Variants in DNAAF6 observed in about 807,000 individuals in gnomAD.
DNAAF6 encodes PIH1 domain containing 3.
In DNAAF6, 3 loss-of-function variants were observed where a neutral mutation model predicts 13.7. The ratio of observed to expected loss-of-function variants is 0.22; its 90% CI spans 0.10 to 0.56. DNAAF6 has a LOEUF of 0.56. Among genes scored for constraint, DNAAF6 ranks in the 20% least tolerant of loss-of-function variants. The pLI is 0.92. For synonymous variants in DNAAF6, 54 were observed against 49.2 expected (o/e 1.10, Z -0.41); for missense variants, 130 against 151.0 (o/e 0.86, Z 0.73).
intron 5 of DNAAF6, among the ~76,000 whole-genome samples, chrX:107,230,898 A>G (rs898865238): frequency 4.5e-5 from 5 of 111,586 alleles, no homozygotes; most frequent in African/African-American, 1.6e-4. Context: ...CAATATGCCA[A>G]GTTATTTCCC....
intron 5 of DNAAF6, among the ~76,000 whole-genome samples, chrX:107,223,671 T>C (rs1569373876): frequency 9.0e-6 from 1 of 111,500 alleles, no homozygotes; most frequent in African/African-American, 3.2e-5. Flanking sequence ...ATGGTGCCCA[T>C]GGGAGATGTG....
At chrX:107,241,906 T>C (rs1928631660) in intron 6 of DNAAF6, among the ~76,000 whole-genome samples, 1 of 112,173 alleles carries the variant, frequency 8.9e-6, no homozygotes, top group African/African-American at 3.2e-5. Context: ...TAGTTGTCTT[T>C]TAGTGCAACG....
At chrX:107,219,818 A>ACAGAGTC (rs1293369043) in intron 4 of DNAAF6, among the ~76,000 whole-genome samples, 2 of 104,459 alleles carry the variant, frequency 1.9e-5, no homozygotes, top group African/African-American at 7.3e-5. Context: ...TTTTTTTTAG[A>ACAGAGTC]CAGAGTCTTG....
intron 3 of DNAAF6, among the ~76,000 whole-genome samples, chrX:107,218,188 C>T (rs1343009724): frequency 8.9e-6 from 1 of 111,938 alleles, no homozygotes. Flanking sequence ...TGGGTTTTTG[C>T]ATGCCTACTG....
At chrX:107,208,982 C>CAA (rs1213774902) in intron 1 of DNAAF6, among the ~76,000 whole-genome samples, 2 of 111,777 alleles carry the variant, frequency 1.8e-5, no homozygotes, top group African/African-American at 6.5e-5. Context: ...CCCATAGTTA[C>CAA]TTATGAGTTA....
intron 5 of DNAAF6, among the ~76,000 whole-genome samples, chrX:107,233,137 GA>G (rs1928445695): frequency 8.9e-6 from 1 of 111,875 alleles, no homozygotes; most frequent in African/African-American, 3.3e-5. Flanking sequence ...TATTCTTAGA[GA>G]AATCAGGGGA....
chrX:107,226,780 G>C (rs149357010), intron 5 of DNAAF6, among the ~76,000 whole-genome samples: 1 of 111,010 alleles, frequency 9.0e-6, no homozygotes, highest in Non-Finnish European at 1.9e-5. Context: ...TTGATAAGGC[G>C]ACATTCTGAT....
chrX:107,215,397 A>G lies in DNAAF6; in HGVS notation c.154-1274A>G, dbSNP rs186675653. Among the ~76,000 whole-genome samples, 4 of 111,127 alleles carry G rather than the reference A, an allele frequency of 3.6e-5. No homozygotes were observed. The East Asian group carries it at 1.1e-3, about 31-fold the overall frequency. On this transcript the variant is annotated intron_variant, in intron 2 of 6. Transcript: ENST00000372453. ...CTTTACTCTGACTATTAGTGTTCTG[A>G]TGATTAATAATTTAAGAAAAGTACT...
chrX:107,243,451 G>A lies in DNAAF6; in HGVS notation c.*153G>A, dbSNP rs1928665066. On this transcript the variant is annotated 3_prime_UTR_variant, in exon 7 of 7. Coordinates refer to ENST00000372453, the MANE Select transcript of DNAAF6 (RefSeq NM_173494.2). The stretch of plus-strand genomic sequence containing the variant: ...TCTAGTGATATTGTGACCATTTACA[G>A]TAATTTCTATTACTCTGTTAGGAAA... 1 of 736,941 alleles carries A rather than the reference G, an allele frequency of 1.4e-6. No homozygotes were observed. Among genetic ancestry groups the A allele is most frequent in the African/African-American group, 2.2e-5 (1 of 46,029 alleles). 60.7% of individuals were successfully genotyped at this position (736,941 alleles called of 1,213,427 possible).
In DNAAF6 at chrX:107,230,396, G is replaced by T. The variant is rs138516227; in HGVS notation, c.429+7555G>T. On this transcript the variant is annotated intron_variant, in intron 5 of 6. Coordinates refer to ENST00000372453, the MANE Select transcript of DNAAF6 (RefSeq NM_173494.2). The stretch of plus-strand genomic sequence containing the variant: ...TGTAAGAGTTCCTTTTTAAAAGTAA[G>T]TCAAGGCCAGGCACAGTGGCTCACA... Among the ~76,000 whole-genome samples the T allele has an allele frequency of 7.2e-3, 808 of 111,757 alleles. 6 individuals carry two copies. Among genetic ancestry groups the T allele is most frequent in the Middle Eastern group, 0.023 (5 of 215 alleles).
At position 107,218,741 on chromosome X, in the gene DNAAF6, A is replaced by G. The variant is rs1004454548; in HGVS notation, c.227-123A>G. On this transcript the variant is annotated intron_variant, in intron 3 of 6. Coordinates refer to ENST00000372453, the MANE Select transcript of DNAAF6 (RefSeq NM_173494.2). ...ATTTAGTTTGTTTTGATCAAAAAAA[A>G]AAGCTAGCGATTACAAATAATGTTT... is the stretch of plus-strand genomic sequence containing the variant. 4 of 641,785 alleles carry G rather than the reference A, an allele frequency of 6.2e-6. No individual in the cohort carries two copies. In the African/African-American group the frequency reaches 7.2e-5, roughly 11 times the overall value. The allele number at this position is 641,785 out of a possible 1,213,427, so 52.9% of individuals were successfully genotyped here. A position where few individuals can be genotyped will look rare whatever the true frequency, so the allele number is the denominator to read the frequency against.
At chrX:107,223,818 G>A (rs1423802611) in intron 5 of DNAAF6, among the ~76,000 whole-genome samples, 1 of 111,333 alleles carries the variant, frequency 9.0e-6, no homozygotes, top group Non-Finnish European at 1.9e-5. Flanking sequence ...AGTACCTCAG[G>A]AGATTTTTCA....
intron 5 of DNAAF6, among the ~76,000 whole-genome samples, chrX:107,237,837 C>T (rs1455591282): frequency 1.8e-5 from 2 of 111,734 alleles, no homozygotes; most frequent in Non-Finnish European, 1.9e-5. Context: ...AAAAATTAGC[C>T]GGGCGTGGTG....
intron 5 of DNAAF6, among the ~76,000 whole-genome samples, chrX:107,232,833 C>A (rs936967843): frequency 9.0e-6 from 1 of 110,750 alleles, no homozygotes; most frequent in Non-Finnish European, 1.9e-5. Context: ...GCCTTGATCT[C>A]CTGGACTCAA....
At chrX:107,233,478 T>C in intron 5 of DNAAF6, among the ~76,000 whole-genome samples, 1 of 111,371 alleles carries the variant, frequency 9.0e-6, no homozygotes, top group Admixed American at 9.6e-5. Context: ...TCCTTTGACC[T>C]GCATCTCTTC....
chrX:107,238,985 C>T lies in DNAAF6; in HGVS notation c.493C>T (p.Leu165Phe), dbSNP rs766552721. Residue 165 changes from leucine to phenylalanine, a missense_variant, in exon 6 of 7, where the codon CTT (leucine) becomes TTT (phenylalanine). By Grantham distance (22) the Leu-to-Phe change is conservative (BLOSUM62 0). Transcript: ENST00000372453. ...TCAAATTGATATCCAGGAAACAATC[C>T]TTGACCTTCGTACTCCTCAGAAGTG... is the stretch of plus-strand genomic sequence containing the variant. The part of the protein sequence containing the change: ...DIQIDIQETI[L>F]DLRTPQKKLL... 3.3e-6 allele frequency: 4 copies of T among 1,208,300 alleles called. No individual in the cohort carries two copies. Among genetic ancestry groups the T allele is most frequent in the South Asian group, 3.5e-5 (2 of 56,521 alleles).
intron 5 of DNAAF6, among the ~76,000 whole-genome samples, chrX:107,231,590 C>A (rs1445995155): frequency 1.8e-5 from 2 of 110,436 alleles, no homozygotes; most frequent in Admixed American, 9.6e-5. Context: ...TAGCAAATTT[C>A]TTAATATGGA....
At chrX:107,222,613 C>A in intron 4 of DNAAF6, 132 bp from the exon 5 acceptor site, 2 of 792,592 alleles carry the variant, frequency 2.5e-6, no homozygotes, top group Non-Finnish European at 3.4e-6. Flanking sequence ...TGCCTGAAGA[C>A]CTGCAAGCAC....
intron 5 of DNAAF6, among the ~76,000 whole-genome samples, chrX:107,234,710 T>C (rs762916944): frequency 2.7e-5 from 3 of 111,834 alleles, no homozygotes; most frequent in Non-Finnish European, 5.6e-5. Flanking sequence ...TTCACTGAAA[T>C]ATCAGTAAAT....
Sources: gnomAD v4.1 joint callset for allele counts (sites outside exome capture counted in the v4.1 genomes callset) on GRCh38, gnomAD v4.1.1 for gene constraint, MANE v1.5 for transcripts, NCBI Gene and HGNC (gene_info 2026-07-23, HGNC 2026-07-21) for gene names.